The following RBFOX1 variants were observed in gnomAD, a reference collection of about 807,000 sequenced individuals.
RBFOX1 encodes RNA binding protein fox-1 homolog 1.
In RBFOX1, 8 loss-of-function variants were observed where a neutral mutation model predicts 57.7. That is an observed-to-expected ratio of 0.14 (90% CI 0.08 to 0.25). RBFOX1 has a LOEUF of 0.25. Ranked by LOEUF, RBFOX1 falls within the 10% of genes least tolerant of loss-of-function variation. The probability of loss-of-function intolerance (pLI) is 1.00; values close to 1 mark genes in which losing one functional copy is unlikely to be tolerated. For synonymous variants in RBFOX1, 326 were observed against 222.4 expected (o/e 1.47, Z -4.15); for missense variants, 611 against 548.5 (o/e 1.11, Z -1.14).
chr16:6,895,919 T>G (rs1029881025), intron 3 of RBFOX1, among the ~76,000 whole-genome samples: 1 of 152,144 alleles, frequency 6.6e-6, no homozygotes, highest in African/African-American at 2.4e-5. Flanking sequence ...TTTTTAATTA[T>G]GGTGGGTACA....
chr16:6,248,726 T>C (rs1017305706), intron 1 of RBFOX1, among the ~76,000 whole-genome samples: 13 of 152,148 alleles, frequency 8.5e-5, no homozygotes, highest in African/African-American at 2.9e-4. Flanking sequence ...ATAATTGGGC[T>C]TCCGAGATTC....
intron 4 of RBFOX1, among the ~76,000 whole-genome samples, chr16:7,258,387 C>T (rs1232101501): frequency 1.3e-5 from 2 of 152,158 alleles, no homozygotes; most frequent in South Asian, 2.1e-4. Context: ...TGTCTAAATA[C>T]ACTTAACTTG....
At chr16:7,072,417 C>T (rs1201783932) in intron 4 of RBFOX1, among the ~76,000 whole-genome samples, 3 of 152,142 alleles carry the variant, frequency 2.0e-5, no homozygotes, top group East Asian at 3.9e-4. Context: ...TTCTTACTCC[C>T]TTTAGATTGA....
intron 1 of RBFOX1, among the ~76,000 whole-genome samples, chr16:6,028,003 G>C (rs985595523): frequency 6.6e-6 from 1 of 152,170 alleles, no homozygotes; most frequent in Admixed American, 6.5e-5. Context: ...TGACGGAGCA[G>C]GGGATTGAGA....
intron 3 of RBFOX1, among the ~76,000 whole-genome samples, chr16:6,683,335 T>G (rs1003068030): frequency 1.3e-5 from 2 of 152,186 alleles, no homozygotes; most frequent in African/African-American, 4.8e-5. Context: ...GATTTAATTT[T>G]GAATCAAAGT....
intron 1 of RBFOX1, among the ~76,000 whole-genome samples, chr16:6,167,565 G>C (rs1454274907): frequency 6.6e-6 from 1 of 152,146 alleles, no homozygotes; most frequent in Non-Finnish European, 1.5e-5. Flanking sequence ...ATCTAACACA[G>C]TCAGTACTGC....
chr16:6,670,146 C>T (rs2098755137), intron 3 of RBFOX1, among the ~76,000 whole-genome samples: 1 of 152,080 alleles, frequency 6.6e-6, no homozygotes, highest in African/African-American at 2.4e-5. Flanking sequence ...ACCAAGTGGG[C>T]ATGTTGTACT....
At chr16:7,117,190 C>A (rs374221465) in intron 4 of RBFOX1, among the ~76,000 whole-genome samples, 3 of 152,222 alleles carry the variant, frequency 2.0e-5, no homozygotes, top group African/African-American at 2.4e-5. Context: ...GGTTGGAAGA[C>A]TAGCTAAGCA....
At chr16:6,188,332 GA>G (rs889069296) in intron 1 of RBFOX1, among the ~76,000 whole-genome samples, 129 of 95,966 alleles carry the variant, frequency 1.3e-3, no homozygotes, top group Middle Eastern at 7.5e-3. Context: ...TTTACCATGA[GA>G]AAAAAAAAAA....
At chr16:5,720,537 C>A (rs2051890936) in intron 3 of RBFOX1, among the ~76,000 whole-genome samples, 1 of 152,076 alleles carries the variant, frequency 6.6e-6, no homozygotes, top group Non-Finnish European at 1.5e-5. Context: ...AAGCTGTATT[C>A]CTATGTCTTC....
intron 1 of RBFOX1, among the ~76,000 whole-genome samples, chr16:6,249,941 A>G (rs184918164): frequency 4.3e-4 from 66 of 152,074 alleles, no homozygotes; most frequent in African/African-American, 4.6e-4. Context: ...CTACCCCACA[A>G]TAGGCCCACA....
chr16:5,424,831 CTCTTTCTT>C (rs71404520), intron 1 of RBFOX1, among the ~76,000 whole-genome samples: 7 of 145,832 alleles, frequency 4.8e-5, no homozygotes, highest in African/African-American at 1.9e-4. Flanking sequence ...CTCCTCTCCT[CTCTTTCTT>C]TCTTTCTTTC....
chr16:7,312,039 G>C (rs1204258931), intron 4 of RBFOX1, among the ~76,000 whole-genome samples: 2 of 152,222 alleles, frequency 1.3e-5, no homozygotes, highest in Non-Finnish European at 2.9e-5. Context: ...GGAACACTTA[G>C]CTCAGTGCCT....
Position 7,685,406 on chromosome 16 carries a change from C to G in RBFOX1, c.995+8568C>G, listed in dbSNP as rs558452475. 3.3e-5 allele frequency among the ~76,000 whole-genome samples: 5 copies of G among 152,146 alleles called. No homozygotes were observed. In the East Asian group the frequency reaches 5.8e-4, roughly 18 times the overall value. Reference sequence around the variant, plus strand: ...TTCTTTACCCCAAAAGATCCGTGGACGGAAACAGTTATTTATGCTAACATC... The same window carrying G: ...TTCTTTACCCCAAAAGATCCGTGGAGGGAAACAGTTATTTATGCTAACATC... On this transcript the variant is annotated intron_variant, in intron 14 of 15. Transcript: ENST00000550418.
intron 1 of RBFOX1, among the ~76,000 whole-genome samples, chr16:6,077,568 C>T (rs2167472): frequency 6.6e-6 from 1 of 151,904 alleles, no homozygotes; most frequent in African/African-American, 2.4e-5. Context: ...GAAAATTGCT[C>T]TTAAAACAAA....
chr16:5,459,502 C>T (rs1250992382), intron 1 of RBFOX1, among the ~76,000 whole-genome samples: 7 of 152,152 alleles, frequency 4.6e-5, no homozygotes, highest in Admixed American at 1.3e-4. Context: ...ACGTGACCAA[C>T]CGCCTGACCA....
chr16:7,215,945 G>C (rs554244057), intron 4 of RBFOX1, among the ~76,000 whole-genome samples: 12 of 152,026 alleles, frequency 7.9e-5, no homozygotes, highest in African/African-American at 2.4e-5. Flanking sequence ...GGATGGTCTC[G>C]ATTTCCTGAC....
intron 3 of RBFOX1, among the ~76,000 whole-genome samples, chr16:5,768,312 A>G (rs2053857602): frequency 6.6e-6 from 1 of 152,226 alleles, no homozygotes; most frequent in Admixed American, 6.5e-5. Flanking sequence ...GGGGGCCGCT[A>G]AGATAACTGA....
At chr16:5,297,920 A>T (rs1368102687) in intron 1 of RBFOX1, among the ~76,000 whole-genome samples, 1 of 152,174 alleles carries the variant, frequency 6.6e-6, no homozygotes, top group Non-Finnish European at 1.5e-5. Context: ...AATGTCTTTA[A>T]CATTTTGTAT....
Sources: gnomAD v4.1 joint callset for allele counts (sites outside exome capture counted in the v4.1 genomes callset) on GRCh38, gnomAD v4.1.1 for gene constraint, MANE v1.5 for transcripts, NCBI Gene and HGNC (gene_info 2026-07-23, HGNC 2026-07-21) for gene names.